ETFDH: variants seen among roughly 807,000 people sequenced by gnomAD.
The protein encoded by ETFDH is electron transfer flavoprotein dehydrogenase.
Under a neutral mutation model 73.2 loss-of-function variants are expected in ETFDH, and 61 were observed. The observed-to-expected ratio is 0.83, with a 90% CI of 0.68 to 1.03. ETFDH has a LOEUF of 1.03. Ranked by LOEUF, ETFDH falls within the 50% of genes least tolerant of loss-of-function variation. The pLI is 0.00. For synonymous variants in ETFDH, 243 were observed against 253.3 expected, an observed-to-expected ratio of 0.96 and a Z score of 0.39; for missense variants, 685 against 745.0, an observed-to-expected ratio of 0.92 and a Z score of 0.94.
intron 7 of ETFDH, among the ~76,000 whole-genome samples, chr4:158,696,404 G>C (rs1442509805): frequency 6.6e-6 from 1 of 152,022 alleles, no homozygotes; most frequent in Non-Finnish European, 1.5e-5. Flanking sequence ...TACTCTGGAG[G>C]CTGAAGCAGG....
At chr4:158,682,088 A>C in intron 2 of ETFDH, 107 bp from the exon 3 acceptor site, 2 of 1,487,444 alleles carry the variant, frequency 1.3e-6, no homozygotes, top group Non-Finnish European at 1.9e-6. Context: ...CACAGGGAGA[A>C]TTTCCATAAA....
chr4:158,701,000 T>C (rs1774448783), intron 9 of ETFDH: 1 of 152,214 alleles, frequency 6.6e-6, no homozygotes, highest in Non-Finnish European at 1.5e-5. Context: ...AACTTTTTTC[T>C]CCTTCTTCAG....
chr4:158,684,214 AC>A (rs1170641846), intron 3 of ETFDH, among the ~76,000 whole-genome samples: 1 of 151,898 alleles, frequency 6.6e-6, no homozygotes, highest in African/African-American at 2.4e-5. Context: ...ACATGGTAAA[AC>A]CCCCTCTCTA....
intron 8 of ETFDH, 45 bp from the exon 9 acceptor site, chr4:158,698,942 T>C: frequency 4.4e-6 from 6 of 1,354,772 alleles, no homozygotes; most frequent in Non-Finnish European, 6.3e-6. Context: ...CTTGATTTAA[T>C]TTGAAATAAA....
chr4:158,674,850 A>G (rs1010675103), intron 1 of ETFDH, among the ~76,000 whole-genome samples: 1 of 152,252 alleles, frequency 6.6e-6, no homozygotes, highest in South Asian at 2.1e-4. Flanking sequence ...ACAGACAACT[A>G]AAGACATTTA....
chr4:158,693,530 A>G (rs1427673175), intron 6 of ETFDH, among the ~76,000 whole-genome samples: 1 of 152,216 alleles, frequency 6.6e-6, no homozygotes, highest in Admixed American at 6.5e-5. Flanking sequence ...ATTTTAGTTC[A>G]TACAGATTGA....
Position 158,690,393 on chromosome 4 carries a change from G to C in ETFDH, c.652G>C (p.Asp218His). 6.2e-7 allele frequency: 1 copy of C among 1,603,564 alleles called. No homozygotes were observed. The highest frequency in any genetic ancestry group is 8.5e-7 in the Non-Finnish European group (1 of 1,170,552). Residue 218 changes from aspartate (D) to histidine (H), a missense_variant, in exon 6 of 13, where the codon GAT becomes CAT. This residue lies in a region of ETFDH where 405 missense variants were observed against 399.3 expected (regional missense o/e 1.01). Coordinates refer to ENST00000511912, the MANE Select transcript of ETFDH (RefSeq NM_004453.4). ...DGSVKGIATN[D>H]VGIQKDGAPK... ...TAGTGTAAAAGGAATTGCCACTAAC[G>C]ATGTAGGGATACAAAAGGATGGTGC...
At chr4:158,683,380 A>G (rs1445113610) in intron 3 of ETFDH, among the ~76,000 whole-genome samples, 1 of 152,196 alleles carries the variant, frequency 6.6e-6, no homozygotes, top group Non-Finnish European at 1.5e-5. Context: ...TATTTTTTCC[A>G]TATGGAATAA....
intron 11 of ETFDH, 59 bp downstream of exon 11, chr4:158,706,430 T>C (rs1580423050): frequency 7.4e-7 from 1 of 1,350,010 alleles, no homozygotes; most frequent in East Asian, 2.3e-5. Flanking sequence ...TGGGATCTGT[T>C]AATTAGAGAA....
At chr4:158,705,823 G>C (rs1055229126) in intron 10 of ETFDH, among the ~76,000 whole-genome samples, 1 of 152,214 alleles carries the variant, frequency 6.6e-6, no homozygotes, top group African/African-American at 2.4e-5. Flanking sequence ...GCTCATGCCT[G>C]TGATCCCAGC....
At chr4:158,687,164 A>T (rs1177831456) in intron 5 of ETFDH, among the ~76,000 whole-genome samples, 2 of 152,226 alleles carry the variant, frequency 1.3e-5, no homozygotes, top group East Asian at 3.8e-4. Flanking sequence ...GACTTCAGTC[A>T]TTCTTCCTGC....
intron 2 of ETFDH, 125 bp from the exon 3 acceptor site, chr4:158,682,070 G>C: frequency 7.8e-7 from 1 of 1,288,334 alleles, no homozygotes; most frequent in East Asian, 2.3e-5. Context: ...TATAATTATT[G>C]TGCAAAACAC....
intron 7 of ETFDH, among the ~76,000 whole-genome samples, chr4:158,697,044 A>T (rs927889216): frequency 6.6e-6 from 1 of 151,792 alleles, no homozygotes; most frequent in African/African-American, 2.4e-5. Flanking sequence ...CTGCAGTTTG[A>T]TATAATTTTC....
chr4:158,673,029 C>A (rs4690907), intron 1 of ETFDH, among the ~76,000 whole-genome samples: 1,598 of 152,254 alleles, frequency 0.01, 37 homozygotes, highest in East Asian at 0.049. Flanking sequence ...AAGGGCTGGG[C>A]GTGGTGGCTC....
chr4:158,695,784 T>C (rs959161651), intron 7 of ETFDH, 141 bp downstream of exon 7: 12 of 670,812 alleles, frequency 1.8e-5, no homozygotes, highest in Admixed American at 5.2e-5. Context: ...CTAAAACTTA[T>C]TTGCGATATT....
chr4:158,701,909 T>C (rs1256202216), intron 9 of ETFDH, among the ~76,000 whole-genome samples: 1 of 152,188 alleles, frequency 6.6e-6, no homozygotes, highest in East Asian at 1.9e-4. Context: ...TATCCCACCC[T>C]TATTACATTG....
Position 158,690,437 on chromosome 4 carries a change from TA to T in ETFDH, c.684+14del, listed in dbSNP as rs1304840181. ...ATGGTGCACCAAAGGTAAACCTTTT[TA>T]ATAGTTACGTGCTTAATAAAGCGAC... On this transcript the variant is annotated intron_variant, in intron 6 of 12. Transcript: ENST00000511912. The T allele has an allele frequency of 6.9e-7, 1 of 1,453,838 alleles. No individual in the cohort carries two copies. The highest frequency in any genetic ancestry group is 9.7e-7 in the Non-Finnish European group (1 of 1,033,722). The allele number at this position is 1,453,838 out of a possible 1,614,324, so 90.1% of individuals were successfully genotyped here.
At chr4:158,694,961 G>A (rs1774271612) in intron 6 of ETFDH, among the ~76,000 whole-genome samples, 1 of 152,138 alleles carries the variant, frequency 6.6e-6, no homozygotes, top group South Asian at 2.1e-4. Flanking sequence ...AGTTAGCCCT[G>A]CAGAACTCAC....
intron 9 of ETFDH, among the ~76,000 whole-genome samples, chr4:158,701,410 C>T (rs1045498962): frequency 6.6e-6 from 1 of 152,176 alleles, no homozygotes; most frequent in Non-Finnish European, 1.5e-5. Context: ...TGATTTAATG[C>T]TCTTTTATCT....
Sources: allele counts gnomAD v4.1 joint callset (sites outside exome capture counted in the v4.1 genomes callset), GRCh38; gene constraint gnomAD v4.1.1; regional missense constraint gnomAD v4.1.1; transcripts MANE v1.5; gene names NCBI Gene and HGNC (gene_info 2026-07-23, HGNC 2026-07-21).